The following MYO5B variants were observed in gnomAD, a reference collection of about 807,000 sequenced individuals.
MYO5B encodes the protein myosin VB, also known as unconventional myosin-Vb.
A neutral mutation model predicts 229.3 loss-of-function variants in MYO5B; 143 were observed. The observed-to-expected ratio is 0.62, with a 90% CI of 0.54 to 0.72. The LOEUF (loss-of-function observed/expected upper bound fraction) is 0.72, where lower values mean the gene tolerates loss of function less well. Ranked by LOEUF, MYO5B falls within the 30% of genes least tolerant of loss-of-function variation. The pLI, the probability that MYO5B is intolerant of heterozygous loss-of-function variation, is 0.00. For missense variants in MYO5B, 2,321 were observed against 2,331.0 expected (o/e 1.00, Z 0.09); for synonymous variants, 918 against 885.2 (o/e 1.04, Z -0.66).
At chr18:50,027,208 G>T (rs1404879418) in intron 4 of MYO5B, among the ~76,000 whole-genome samples, 2 of 152,118 alleles carry the variant, frequency 1.3e-5, no homozygotes, top group Non-Finnish European at 2.9e-5. Context: ...GACACACCTT[G>T]AAAAACTAAA....
chr18:50,091,758 G>A (rs2031453162), intron 1 of MYO5B, among the ~76,000 whole-genome samples: 1 of 152,198 alleles, frequency 6.6e-6, no homozygotes, highest in Non-Finnish European at 1.5e-5. Context: ...TTCAGTGTCT[G>A]CTTGCAGCTT....
chr18:49,849,274 G>A (rs2024169761), intron 32 of MYO5B, among the ~76,000 whole-genome samples: 1 of 152,182 alleles, frequency 6.6e-6, no homozygotes, highest in African/African-American at 2.4e-5. Flanking sequence ...AGCCGTTTGA[G>A]GGCAGGGACC....
chr18:50,190,961 C>A (rs1429194701), intron 1 of MYO5B, among the ~76,000 whole-genome samples: 1 of 152,124 alleles, frequency 6.6e-6, no homozygotes, highest in South Asian at 2.1e-4. Context: ...CTCCAGTGTT[C>A]ATCACATTAG....
At chr18:49,912,029 A>T in intron 18 of MYO5B, 33 bp downstream of exon 18, 1 of 1,552,720 alleles carries the variant, frequency 6.4e-7, no homozygotes, top group Non-Finnish European at 8.9e-7. Context: ...GGACCTGGTC[A>T]GGCCTCTCCT....
At chr18:50,107,668 C>A (rs1320309639) in intron 1 of MYO5B, among the ~76,000 whole-genome samples, 1 of 152,178 alleles carries the variant, frequency 6.6e-6, no homozygotes, top group African/African-American at 2.4e-5. Flanking sequence ...TCATGCCACA[C>A]AGCACTACAC....
At chr18:50,154,756 A>G (rs1268421580) in intron 1 of MYO5B, among the ~76,000 whole-genome samples, 2 of 152,234 alleles carry the variant, frequency 1.3e-5, no homozygotes, top group Non-Finnish European at 2.9e-5. Context: ...AGACTTTCCT[A>G]GCACAAGGGC....
chr18:50,013,502 C>T (rs941548082), intron 4 of MYO5B, among the ~76,000 whole-genome samples: 3 of 152,208 alleles, frequency 2.0e-5, no homozygotes, highest in Non-Finnish European at 2.9e-5. Context: ...AGGCCAAAAA[C>T]AGCCAGCCCT....
At chr18:50,113,276 T>TA (rs2031900416) in intron 1 of MYO5B, among the ~76,000 whole-genome samples, 2 of 152,332 alleles carry the variant, frequency 1.3e-5, no homozygotes, top group East Asian at 3.9e-4. Flanking sequence ...CTTCGCATCC[T>TA]AAAGCAGTAT....
intron 1 of MYO5B, among the ~76,000 whole-genome samples, chr18:50,191,437 C>T (rs2033225321): frequency 6.6e-6 from 1 of 152,184 alleles, no homozygotes; most frequent in Admixed American, 6.5e-5. Context: ...AGACCTTTCT[C>T]TGGTGACACC....
chr18:50,108,002 A>C (rs575081691), intron 1 of MYO5B, among the ~76,000 whole-genome samples: 1 of 148,866 alleles, frequency 6.7e-6, no homozygotes, highest in East Asian at 2.1e-4. Flanking sequence ...TTCGCCTCCC[A>C]GGTTCAAGCA....
chr18:50,116,988 C>G (rs1481624389), intron 1 of MYO5B, among the ~76,000 whole-genome samples: 1 of 152,172 alleles, frequency 6.6e-6, no homozygotes, highest in Non-Finnish European at 1.5e-5. Context: ...ACTGTCACAG[C>G]ACATAAGTAC....
At chr18:49,926,679 T>C (rs1306669054) in intron 17 of MYO5B, among the ~76,000 whole-genome samples, 2 of 152,244 alleles carry the variant, frequency 1.3e-5, no homozygotes, top group Non-Finnish European at 2.9e-5. Flanking sequence ...CAGTGGCTTA[T>C]CCGCAAGGCA....
At chr18:49,851,035 A>C (rs2024194553) in intron 31 of MYO5B, 3 of 152,236 alleles carry the variant, frequency 2.0e-5, no homozygotes, top group African/African-American at 7.2e-5. Context: ...CCACAAGATA[A>C]AGCATTTCTT....
intron 1 of MYO5B, among the ~76,000 whole-genome samples, chr18:50,183,331 A>ATATATATATT (rs2033102299): frequency 9.5e-6 from 1 of 105,574 alleles, no homozygotes; most frequent in Non-Finnish European, 2.1e-5. Flanking sequence ...ATATATATAT[A>ATATATATATT]TATATATCTC....
chr18:49,931,041 C>T (rs533233619), intron 16 of MYO5B, among the ~76,000 whole-genome samples: 1 of 152,146 alleles, frequency 6.6e-6, no homozygotes, highest in South Asian at 2.1e-4. Flanking sequence ...TGCCCCACTC[C>T]ATCAGAAGGG....
intron 23 of MYO5B, among the ~76,000 whole-genome samples, chr18:49,879,851 T>G (rs1598852775): frequency 6.6e-6 from 1 of 152,326 alleles, no homozygotes; most frequent in East Asian, 1.9e-4. Flanking sequence ...TCAAGACTGT[T>G]TCTTCAGTAA....
chr18:50,175,544 T>TAAACCTAAAGAAA (rs2032983503), intron 1 of MYO5B, among the ~76,000 whole-genome samples: 1 of 152,246 alleles, frequency 6.6e-6, no homozygotes, highest in Non-Finnish European at 1.5e-5. Flanking sequence ...TTTAGGTTTA[T>TAAACCTAAAGAAA]TTTTATGGGT....
chr18:50,030,153 C>A (rs2026371732), intron 4 of MYO5B, among the ~76,000 whole-genome samples: 1 of 152,196 alleles, frequency 6.6e-6, no homozygotes, highest in South Asian at 2.1e-4. Context: ...GAGTTGATTG[C>A]AAAAGTCCTG....
intron 6 of MYO5B, among the ~76,000 whole-genome samples, chr18:49,991,110 G>C (rs1229281258): frequency 6.6e-6 from 1 of 152,184 alleles, no homozygotes; most frequent in African/African-American, 2.4e-5. Context: ...GTCCAGGAAA[G>C]AGCCATGAGC....
Sources: gnomAD v4.1 joint callset for allele counts (sites outside exome capture counted in the v4.1 genomes callset) on GRCh38, gnomAD v4.1.1 for gene constraint, MANE v1.5 for transcripts, NCBI Gene and HGNC (gene_info 2026-07-23, HGNC 2026-07-21) for gene names.